The following CMKLR1 variants were observed in gnomAD, a reference collection of about 807,000 sequenced individuals.
CMKLR1 encodes chemerin chemokine-like receptor 1, also known as chemerin-like receptor 1.
A neutral mutation model predicts 8.2 loss-of-function variants in CMKLR1; 6 were observed. The ratio of observed to expected loss-of-function variants is 0.73; its 90% CI spans 0.40 to 1.44. The LOEUF (loss-of-function observed/expected upper bound fraction) is 1.44, where lower values mean the gene tolerates loss of function less well. CMKLR1 is among the 40% of genes most tolerant of loss of function. CMKLR1 has a pLI of 0.02. For synonymous variants in CMKLR1, 178 were observed against 181.2 expected, an observed-to-expected ratio of 0.98 and a Z score of 0.14; for missense variants, 429 against 478.0, an observed-to-expected ratio of 0.90 and a Z score of 0.96.
intron 2 of CMKLR1, among the ~76,000 whole-genome samples, chr12:108,316,372 C>T (rs1891731828): frequency 6.6e-6 from 1 of 152,062 alleles, no homozygotes; most frequent in Admixed American, 6.6e-5. Flanking sequence ...GAGGATGACA[C>T]CTCCTCAACG....
At chr12:108,323,745 C>G (rs1891915306) in intron 2 of CMKLR1, among the ~76,000 whole-genome samples, 1 of 152,242 alleles carries the variant, frequency 6.6e-6, no homozygotes, top group South Asian at 2.1e-4. Context: ...GCTGGAGAAA[C>G]AGGACTGGAT....
At position 108,328,749 on chromosome 12, in the gene CMKLR1, T is replaced by C. The variant is rs565066804; in HGVS notation, c.-74+1246A>G. 6.5e-4 allele frequency among the ~76,000 whole-genome samples: 99 copies of C among 152,236 alleles called. 1 individual carries two copies. The highest frequency in any genetic ancestry group is 1.2e-3 in the Non-Finnish European group (79 of 68,004). ...TCAGTCAGCCGTACCTCCCCATAGCTAGGAGGCCGGGGGGCCCTTTAATGC... is the reference window on the plus strand; with the variant it reads ...TCAGTCAGCCGTACCTCCCCATAGCCAGGAGGCCGGGGGGCCCTTTAATGC... On this transcript the variant is annotated intron_variant, in intron 2 of 3. Transcript: ENST00000550402.
intron 2 of CMKLR1, among the ~76,000 whole-genome samples, chr12:108,302,641 C>T (rs956861799): frequency 2.6e-5 from 4 of 152,162 alleles, no homozygotes; most frequent in Non-Finnish European, 5.9e-5. Flanking sequence ...AGTGTGCATT[C>T]CCAGCCACTC....
intron 2 of CMKLR1, among the ~76,000 whole-genome samples, chr12:108,306,038 A>G (rs560073255): frequency 1.3e-5 from 2 of 152,172 alleles, no homozygotes; most frequent in Admixed American, 6.5e-5. Context: ...TGAGCCTTAA[A>G]AGCGTTTCCT....
At chr12:108,331,237 T>C (rs1262396020) in intron 1 of CMKLR1, among the ~76,000 whole-genome samples, 1 of 152,182 alleles carries the variant, frequency 6.6e-6, no homozygotes. Flanking sequence ...CTACCCTATG[T>C]ACAACATGCC....
Position 108,291,951 on chromosome 12 carries a change from G to C in CMKLR1, c.1012C>G (p.Leu338Val). The change falls in exon 4 of 4, where the codon CTA becomes GTA. Residue 338 changes from leucine (L) to valine (V), a missense_variant. Leu to Val is a conservative substitution (Grantham distance 32, BLOSUM62 1). Transcript: ENST00000550402. ...GAAGAGTGGCCTGTATCTTCACTTA[G>C]AGCATTGACCAGGCGAGAGAAGAGG... Reference protein sequence around the residue: ...VALFSRLVNALSEDTGHSSYP... With the variant: ...VALFSRLVNAVSEDTGHSSYP... 6.2e-7 allele frequency: 1 copy of C among 1,614,156 alleles called. No homozygotes were observed. The highest frequency in any genetic ancestry group is 8.5e-7 in the Non-Finnish European group (1 of 1,180,024).
At chr12:108,316,729 G>T (rs1891744077) in intron 2 of CMKLR1, among the ~76,000 whole-genome samples, 1 of 152,216 alleles carries the variant, frequency 6.6e-6, no homozygotes, top group Non-Finnish European at 1.5e-5. Flanking sequence ...GAAAGGCAGT[G>T]CTGGGGATTT....
intron 1 of CMKLR1, among the ~76,000 whole-genome samples, chr12:108,333,807 T>G (rs1247747816): frequency 1.3e-5 from 2 of 152,370 alleles, no homozygotes; most frequent in African/African-American, 4.8e-5. Context: ...GCCTCTTGAT[T>G]CCATCTGACA....
At chr12:108,304,717 G>A (rs149616577) in intron 2 of CMKLR1, among the ~76,000 whole-genome samples, 44 of 152,144 alleles carry the variant, frequency 2.9e-4, no homozygotes, top group African/African-American at 2.4e-4. Context: ...CCTGCACACC[G>A]GTCACGGGTC....
Position 108,292,694 on chromosome 12 carries a change from A to G in CMKLR1, c.269T>C (p.Val90Ala), listed in dbSNP as rs1262166778. ...ATAGGTGATATGGATTGGGAGGAAG[A>G]CGTTGAACAGGAAATCTGCCACTGC... ...NLAVADFLFN[V>A]FLPIHITYAA... Residue 90 changes from valine to alanine, a missense_variant, in exon 4 of 4, where the codon GTC becomes GCC. Val to Ala is a moderately conservative substitution (Grantham distance 64). Transcript: ENST00000550402. The G allele has an allele frequency of 6.2e-7, 1 of 1,614,036 alleles. No homozygotes were observed. Among genetic ancestry groups the G allele is most frequent in the Admixed American group, 1.7e-5 (1 of 60,008 alleles).
In CMKLR1 at chr12:108,294,270, C is replaced by T. The variant is rs1196508177; in HGVS notation, c.-73-606G>A. 3.9e-5 allele frequency among the ~76,000 whole-genome samples: 6 copies of T among 152,194 alleles called. No individual in the cohort carries two copies. In the South Asian group the frequency reaches 1.2e-3, roughly 32 times the overall value. On this transcript the variant is annotated intron_variant, in intron 2 of 3. Coordinates refer to ENST00000550402, the MANE Select transcript of CMKLR1 (RefSeq NM_001142343.2). ...CCCTATGGGAACCATGAATGAGATG[C>T]AGGCTCTGAAGCCACAGCAGTCTGG...
At chr12:108,297,894 G>T (rs1384164101) in intron 2 of CMKLR1, among the ~76,000 whole-genome samples, 1 of 152,200 alleles carries the variant, frequency 6.6e-6, no homozygotes, top group Non-Finnish European at 1.5e-5. Flanking sequence ...GGCCTCTGCA[G>T]TCAGTTACCA....
intron 2 of CMKLR1, among the ~76,000 whole-genome samples, chr12:108,311,011 T>C (rs1891549812): frequency 7.0e-6 from 1 of 142,682 alleles, no homozygotes; most frequent in Admixed American, 7.1e-5. Context: ...CAGCAGTCTC[T>C]GGGGTCTGGT....
At position 108,330,062 on chromosome 12, in the gene CMKLR1, G is replaced by A. The variant is rs1359394118; in HGVS notation, c.-141C>T. On this transcript the variant is annotated 5_prime_UTR_variant, in exon 2 of 4. Coordinates refer to ENST00000550402, the MANE Select transcript of CMKLR1 (RefSeq NM_001142343.2). ...CCTTGAATCTGCACTGGCATGGTGAGTTGCTGTGACCAACAGAAAGTGGTA... is the reference window on the plus strand; with the variant it reads ...CCTTGAATCTGCACTGGCATGGTGAATTGCTGTGACCAACAGAAAGTGGTA... The A allele has an allele frequency of 6.6e-6, 1 of 152,206 alleles. No homozygotes were observed. Among genetic ancestry groups the A allele is most frequent in the Non-Finnish European group, 1.5e-5 (1 of 68,052 alleles). 9.4% of individuals were successfully genotyped at this position (152,206 alleles called of 1,614,324 possible).
At chr12:108,295,243 A>G (rs1024888162) in intron 2 of CMKLR1, among the ~76,000 whole-genome samples, 8 of 152,258 alleles carry the variant, frequency 5.3e-5, no homozygotes, top group African/African-American at 1.9e-4. Flanking sequence ...AAGGGGCTAC[A>G]GCAGGGCTCA....
chr12:108,323,852 C>T (rs921579854), intron 2 of CMKLR1, among the ~76,000 whole-genome samples: 1 of 152,226 alleles, frequency 6.6e-6, no homozygotes, highest in Admixed American at 6.5e-5. Context: ...GCCACACAGA[C>T]AGTGGCACAG....
intron 2 of CMKLR1, among the ~76,000 whole-genome samples, chr12:108,299,915 AACAAAT>A (rs1309583575): frequency 6.6e-6 from 1 of 152,176 alleles, no homozygotes; most frequent in Non-Finnish European, 1.5e-5. Context: ...AGCGCTGGAA[AACAAAT>A]ACACTCCCCA....
chr12:108,316,470 G>T (rs578170430), intron 2 of CMKLR1, among the ~76,000 whole-genome samples: 1 of 152,164 alleles, frequency 6.6e-6, no homozygotes, highest in Non-Finnish European at 1.5e-5. Flanking sequence ...AAGGAGGACA[G>T]AGCGGTCAGG....
At chr12:108,316,763 G>T in intron 2 of CMKLR1, among the ~76,000 whole-genome samples, 1 of 152,176 alleles carries the variant, frequency 6.6e-6, no homozygotes, top group Non-Finnish European at 1.5e-5. Context: ...AGATCAGGGA[G>T]CTACGGGCAA....
Sources: gnomAD v4.1 joint callset for allele counts (sites outside exome capture counted in the v4.1 genomes callset) on GRCh38, gnomAD v4.1.1 for gene constraint, MANE v1.5 for transcripts, NCBI Gene and HGNC (gene_info 2026-07-23, HGNC 2026-07-21) for gene names.